The following ASIP variants were observed in gnomAD, a reference collection of about 807,000 sequenced individuals.
The protein encoded by ASIP is agouti-signaling protein.
Under a neutral mutation model 10.3 loss-of-function variants are expected in ASIP, and 11 were observed. That is an observed-to-expected ratio of 1.07 (90% CI 0.68 to 1.78). The LOEUF is 1.78. ASIP is among the 40% of genes most tolerant of loss of function. The probability of loss-of-function intolerance (pLI) is 0.00; values close to 1 mark genes in which losing one functional copy is unlikely to be tolerated. For missense variants in ASIP, 180 were observed against 169.2 expected (o/e 1.06, Z -0.35); for synonymous variants, 70 against 70.8 (o/e 0.99, Z 0.06).
chr20:34,269,020 G>A lies in ASIP; in HGVS notation c.252G>A (p.Arg84=), dbSNP rs1448320684. 6.2e-7 allele frequency: 1 copy of A among 1,608,088 alleles called. No individual in the cohort carries two copies. Among genetic ancestry groups the A allele is most frequent in the Non-Finnish European group, 8.5e-7 (1 of 1,177,940 alleles). The change falls in exon 4 of 4, where the codon CGG becomes CGA. Residue 84 remains arginine, a synonymous_variant. Transcript: ENST00000374954. The part of the protein sequence containing the change: ...KKEASMKKVV[R]PRTPLSAPCV... ...AGGCTTCGATGAAGAAAGTGGTGCGGCCCCGGACCCCCCTATCTGCGCCCT... is the reference window on the plus strand; with the variant it reads ...AGGCTTCGATGAAGAAAGTGGTGCGACCCCGGACCCCCCTATCTGCGCCCT...
intron 1 of ASIP, among the ~76,000 whole-genome samples, chr20:34,254,581 G>A (rs2035537750): frequency 1.3e-5 from 2 of 152,108 alleles, no homozygotes; most frequent in South Asian, 4.2e-4. Flanking sequence ...GAATTGATGT[G>A]AATCAATTCA....
At chr20:34,249,576 G>C (rs907572263) in intron 1 of ASIP, among the ~76,000 whole-genome samples, 1 of 152,168 alleles carries the variant, frequency 6.6e-6, no homozygotes, top group Non-Finnish European at 1.5e-5. Context: ...CGTGCTTAAA[G>C]GGCCAATGGC....
At chr20:34,213,709 ACTT>A in intron 1 of ASIP, 1 of 1,523,082 alleles carries the variant, frequency 6.6e-7, no homozygotes, top group Non-Finnish European at 9.1e-7. Context: ...GAACGGAAAA[ACTT>A]CTTCCTCCAG....
At chr20:34,227,101 G>A (rs1270474281) in intron 1 of ASIP, among the ~76,000 whole-genome samples, 1 of 151,872 alleles carries the variant, frequency 6.6e-6, no homozygotes, top group Non-Finnish European at 1.5e-5. Context: ...ATCCAATGAA[G>A]TCCTTAAAAA....
intron 1 of ASIP, among the ~76,000 whole-genome samples, chr20:34,198,357 T>C (rs895305621): frequency 1.3e-5 from 2 of 152,178 alleles, no homozygotes; most frequent in Non-Finnish European, 2.9e-5. Context: ...CCCAAACTGC[T>C]AGGATTACAG....
chr20:34,211,858 A>T (rs2034977033), intron 1 of ASIP, among the ~76,000 whole-genome samples: 2 of 152,180 alleles, frequency 1.3e-5, no homozygotes, highest in African/African-American at 4.8e-5. Flanking sequence ...ATAGATGTAC[A>T]GTCACATGCC....
At chr20:34,249,850 C>CT (rs2122629412) in intron 1 of ASIP, 1 of 152,344 alleles carries the variant, frequency 6.6e-6, no homozygotes, top group East Asian at 1.9e-4. Context: ...TATGGACCCT[C>CT]TCCCCTGAAA....
chr20:34,222,780 A>AG (rs1601578170), intron 1 of ASIP, among the ~76,000 whole-genome samples: 2 of 146,700 alleles, frequency 1.4e-5, no homozygotes, highest in East Asian at 4.5e-4. Context: ...CTGCAATTGC[A>AG]GGCACGCGCC....
intron 1 of ASIP, among the ~76,000 whole-genome samples, chr20:34,254,728 G>A (rs921812666): frequency 6.6e-6 from 1 of 151,970 alleles, no homozygotes; most frequent in Non-Finnish European, 1.5e-5. Flanking sequence ...TTTTTCTAAC[G>A]TTCACAAAGT....
chr20:34,254,299 G>T (rs2035533194), intron 1 of ASIP, among the ~76,000 whole-genome samples: 1 of 152,332 alleles, frequency 6.6e-6, no homozygotes, highest in East Asian at 1.9e-4. Context: ...CTGACCTCAG[G>T]TGATCCACCT....
At chr20:34,191,557 T>C (rs1167032002), upstream of ASIP, among the ~76,000 whole-genome samples, 1 of 152,188 alleles carries the variant, frequency 6.6e-6, no homozygotes, top group Non-Finnish European at 1.5e-5. Flanking sequence ...GAAATTCTCC[T>C]CTGCCCTCTT....
chr20:34,223,628 C>T (rs1375298383), intron 1 of ASIP, among the ~76,000 whole-genome samples: 3 of 145,548 alleles, frequency 2.1e-5, no homozygotes, highest in South Asian at 2.1e-4. Flanking sequence ...CCAGCCGCCC[C>T]GTCCGGGAGG....
intron 1 of ASIP, among the ~76,000 whole-genome samples, chr20:34,204,311 C>T (rs950356589): frequency 1.3e-5 from 2 of 151,424 alleles, no homozygotes; most frequent in Non-Finnish European, 2.9e-5. Context: ...ACCTCCGCCT[C>T]GTGGGTTAAA....
intron 1 of ASIP, among the ~76,000 whole-genome samples, chr20:34,212,336 C>T (rs1297212334): frequency 6.6e-6 from 1 of 152,154 alleles, no homozygotes; most frequent in African/African-American, 2.4e-5. Flanking sequence ...TGTGTGTTCA[C>T]TCTCTTTCTT....
chr20:34,245,591 A>G (rs1418563683), intron 1 of ASIP, among the ~76,000 whole-genome samples: 1 of 151,552 alleles, frequency 6.6e-6, no homozygotes, highest in Non-Finnish European at 1.5e-5. Context: ...GGGTTTCACC[A>G]TATTGGCCAG....
intron 1 of ASIP, among the ~76,000 whole-genome samples, chr20:34,233,143 C>CTTT (rs755217642): frequency 0.029 from 2,950 of 100,298 alleles, 348 homozygotes; most frequent in African/African-American, 0.12. Context: ...GGGACAAGAG[C>CTTT]TTTTTTTTTT....
chr20:34,234,815 C>T (rs2035157259), intron 1 of ASIP: 1 of 152,096 alleles, frequency 6.6e-6, no homozygotes, highest in Admixed American at 6.5e-5. Flanking sequence ...CTCAGAAAAA[C>T]AACAACAAAA....
the ASIP span, among the ~76,000 whole-genome samples, chr20:34,186,634 C>G: frequency 1.3e-5 from 2 of 152,052 alleles, no homozygotes; most frequent in Non-Finnish European, 2.9e-5. Context: ...GATGTCATCA[C>G]CAAAGCTGGA....
intron 1 of ASIP, among the ~76,000 whole-genome samples, chr20:34,242,082 C>T (rs1275995294): frequency 1.3e-5 from 2 of 152,086 alleles, no homozygotes; most frequent in African/African-American, 2.4e-5. Flanking sequence ...TAGGTGAGTT[C>T]GCTCTGCTTC....
Sources: gnomAD v4.1 joint callset for allele counts (sites outside exome capture counted in the v4.1 genomes callset) on GRCh38, gnomAD v4.1.1 for gene constraint, MANE v1.5 for transcripts, NCBI Gene and HGNC (gene_info 2026-07-23, HGNC 2026-07-21) for gene names.